Variants in ADGRL3 observed in about 807,000 individuals in gnomAD.
ADGRL3 encodes the protein adhesion G protein-coupled receptor L3.
In ADGRL3, 62 loss-of-function variants were observed where a neutral mutation model predicts 153.5. The observed-to-expected ratio is 0.40, with a 90% CI of 0.33 to 0.50. ADGRL3 has a LOEUF of 0.50. Among genes scored for constraint, ADGRL3 ranks in the 20% least tolerant of loss-of-function variants. ADGRL3 has a pLI of 0.47. For synonymous variants in ADGRL3, 710 were observed against 672.5 expected, an observed-to-expected ratio of 1.06 and a Z score of -0.86; for missense variants, 1,641 against 1,859.4, an observed-to-expected ratio of 0.88 and a Z score of 2.16.
Position 61,979,743 on chromosome 4 carries a change from C to T in ADGRL3, c.2986C>T (p.Leu996=). 6.2e-7 allele frequency: 1 copy of T among 1,613,918 alleles called. No homozygotes were observed. Among genetic ancestry groups the T allele is most frequent in the Non-Finnish European group, 8.5e-7 (1 of 1,179,840 alleles). The change falls in exon 18 of 27, where the codon CTG becomes TTG. Residue 996 remains leucine, a synonymous_variant. Transcript: ENST00000683033. The part of the protein sequence containing the change: ...ISLFVAELLF[L]IGINRTDQPI... ...TCTCTTTGTAGCAGAGCTGCTCTTC[C>T]TGATTGGGATCAACCGAACTGACCA...
Position 62,078,151 on chromosome 4 carries a change from G to A in ADGRL3, c.*7243G>A, listed in dbSNP as rs1206336247. On this transcript the variant is annotated 3_prime_UTR_variant, in exon 27 of 27. Transcript: ENST00000683033. ...CAAGAATATAGCTATTGTGGCTTTGGTCGCTTAGGATTCTCATATATTTAC... is the reference window on the plus strand; with the variant it reads ...CAAGAATATAGCTATTGTGGCTTTGATCGCTTAGGATTCTCATATATTTAC... 2 of 151,918 alleles carry A rather than the reference G, an allele frequency of 1.3e-5. No homozygotes were observed. Among genetic ancestry groups the A allele is most frequent in the Non-Finnish European group, 2.9e-5 (2 of 67,884 alleles). The allele number at this position is 151,918 out of a possible 1,614,324, so 9.4% of individuals were successfully genotyped here.
chr4:61,665,104 A>G (rs2094739507), intron 5 of ADGRL3, among the ~76,000 whole-genome samples: 1 of 152,180 alleles, frequency 6.6e-6, no homozygotes, highest in African/African-American at 2.4e-5. Flanking sequence ...TGTGTAGAAT[A>G]TTCTTACTCT....
intron 6 of ADGRL3, among the ~76,000 whole-genome samples, chr4:61,691,804 T>G (rs2095545038): frequency 1.3e-5 from 2 of 152,166 alleles, no homozygotes; most frequent in Admixed American, 1.3e-4. Flanking sequence ...AATTATGACA[T>G]TGACTAGTGT....
Position 61,734,784 on chromosome 4 carries a change from G to A in ADGRL3, c.1399+1230G>A, listed in dbSNP as rs145691378. ...AATTTTGATGGTAATATAGCAATTCGAAAATTAAATTATTTTTGCCGTTCA... is the reference window on the plus strand; with the variant it reads ...AATTTTGATGGTAATATAGCAATTCAAAAATTAAATTATTTTTGCCGTTCA... On this transcript the variant is annotated intron_variant, in intron 8 of 26. Coordinates refer to ENST00000683033, the MANE Select transcript of ADGRL3 (RefSeq NM_001387552.1). Among the ~76,000 whole-genome samples, 599 of 152,210 alleles carry A rather than the reference G, an allele frequency of 3.9e-3. 3 individuals carry two copies. Among genetic ancestry groups the A allele is most frequent in the African/African-American group, 0.013 (554 of 41,536 alleles).
intron 6 of ADGRL3, among the ~76,000 whole-genome samples, chr4:61,678,742 C>G (rs560279957): frequency 1.3e-5 from 2 of 152,076 alleles, no homozygotes; most frequent in South Asian, 4.1e-4. Flanking sequence ...ATTATACACT[C>G]AGTTATACTC....
At chr4:61,718,048 A>G (rs1241406077) in intron 6 of ADGRL3, among the ~76,000 whole-genome samples, 1 of 152,084 alleles carries the variant, frequency 6.6e-6, no homozygotes, top group Non-Finnish European at 1.5e-5. Context: ...ATAAAATAAA[A>G]TAAAGTAAAA....
intron 2 of ADGRL3, among the ~76,000 whole-genome samples, chr4:61,394,211 A>G (rs1371671856): frequency 6.6e-6 from 1 of 152,052 alleles, no homozygotes; most frequent in African/African-American, 2.4e-5. Context: ...GAAGCAAACA[A>G]GAGGAAATTT....
intron 6 of ADGRL3, among the ~76,000 whole-genome samples, chr4:61,713,558 T>C (rs1028160339): frequency 3.2e-4 from 49 of 151,958 alleles, no homozygotes; most frequent in African/African-American, 1.2e-3. Context: ...AATCAGTAAA[T>C]GAAAGTATAT....
chr4:61,703,663 T>A (rs1276665927), intron 6 of ADGRL3, among the ~76,000 whole-genome samples: 1 of 152,050 alleles, frequency 6.6e-6, no homozygotes, highest in Non-Finnish European at 1.5e-5. Context: ...TTATTTCTAT[T>A]GTTGGAGATA....
intron 21 of ADGRL3, among the ~76,000 whole-genome samples, chr4:62,027,788 A>G (rs1446926815): frequency 6.6e-6 from 1 of 151,976 alleles, no homozygotes; most frequent in African/African-American, 2.4e-5. Flanking sequence ...AAATTGTTTC[A>G]TTATCACAAG....
chr4:61,411,747 G>C (rs6843210), intron 2 of ADGRL3, among the ~76,000 whole-genome samples: 4,706 of 152,018 alleles, frequency 0.031, 225 homozygotes, highest in East Asian at 0.21. Flanking sequence ...CACATGTTAG[G>C]CTGAGCTGGT....
chr4:61,467,207 G>T (rs760278361), intron 2 of ADGRL3, among the ~76,000 whole-genome samples: 1 of 152,148 alleles, frequency 6.6e-6, no homozygotes, highest in East Asian at 1.9e-4. Flanking sequence ...ACATTAAAAT[G>T]TTAAGGCATG....
chr4:61,367,211 G>A (rs1009045995), intron 1 of ADGRL3, among the ~76,000 whole-genome samples: 24 of 151,624 alleles, frequency 1.6e-4, no homozygotes, highest in African/African-American at 5.8e-4. Flanking sequence ...TTTCAGACAA[G>A]TTTTTTAAAA....
intron 9 of ADGRL3, among the ~76,000 whole-genome samples, chr4:61,885,662 A>T (rs1466638305): frequency 2.6e-5 from 4 of 152,174 alleles, no homozygotes; most frequent in Non-Finnish European, 5.9e-5. Context: ...ATCCATTAAA[A>T]TTTTTACATA....
chr4:61,275,880 A>G (rs1246953327), intron 1 of ADGRL3, among the ~76,000 whole-genome samples: 1 of 152,200 alleles, frequency 6.6e-6, no homozygotes, highest in Non-Finnish European at 1.5e-5. Flanking sequence ...CTAAATAAAG[A>G]TTAAAGAAGT....
intron 1 of ADGRL3, among the ~76,000 whole-genome samples, chr4:61,372,260 C>G (rs975261896): frequency 2.0e-5 from 3 of 152,244 alleles, no homozygotes; most frequent in East Asian, 3.9e-4. Flanking sequence ...CAGCTTTGTT[C>G]CGTTGCTGGT....
chr4:62,003,504 A>G (rs1216653187), intron 21 of ADGRL3, among the ~76,000 whole-genome samples: 3 of 152,086 alleles, frequency 2.0e-5, no homozygotes, highest in African/African-American at 2.4e-5. Context: ...TCTGGGTCTT[A>G]CTTTCTTCTC....
chr4:61,698,246 T>C (rs2095678260), intron 6 of ADGRL3, among the ~76,000 whole-genome samples: 1 of 152,014 alleles, frequency 6.6e-6, no homozygotes, highest in Admixed American at 6.6e-5. Flanking sequence ...GGTCAGGAGA[T>C]TGAGACCATC....
At chr4:61,577,009 G>A (rs1037919211) in intron 4 of ADGRL3, among the ~76,000 whole-genome samples, 1 of 151,932 alleles carries the variant, frequency 6.6e-6, no homozygotes, top group Admixed American at 6.6e-5. Flanking sequence ...TACCAAAGAA[G>A]TTATTACAAG....
Sources: allele counts gnomAD v4.1 joint callset (sites outside exome capture counted in the v4.1 genomes callset), GRCh38; gene constraint gnomAD v4.1.1; transcripts MANE v1.5; gene names NCBI Gene and HGNC (gene_info 2026-07-23, HGNC 2026-07-21).